The following MAD1L1 variants were observed in gnomAD, a reference collection of about 807,000 sequenced individuals.
MAD1L1 encodes mitotic arrest deficient 1 like 1, also known as mitotic spindle assembly checkpoint protein MAD1.
MAD1L1 carries 95 observed loss-of-function variants against 96.9 expected under a neutral mutation model. The ratio of observed to expected loss-of-function variants is 0.98; its 90% CI spans 0.83 to 1.16. MAD1L1 has a LOEUF of 1.16. Among genes scored for constraint, MAD1L1 ranks in the 50% most tolerant of loss-of-function variants. The pLI is 0.00. For missense variants in MAD1L1, 1,007 were observed against 954.4 expected, an observed-to-expected ratio of 1.06 and a Z score of -0.73; for synonymous variants, 473 against 396.6, an observed-to-expected ratio of 1.19 and a Z score of -2.29.
intron 16 of MAD1L1, among the ~76,000 whole-genome samples, chr7:1,938,944 G>A (rs1487371881): frequency 3.1e-4 from 34 of 110,338 alleles, no homozygotes; most frequent in East Asian, 3.1e-4. Flanking sequence ...GGCCAGGACC[G>A]GGACCAGAGG....
intron 12 of MAD1L1, among the ~76,000 whole-genome samples, chr7:2,063,905 C>G (rs868552384): frequency 1.3e-5 from 2 of 152,246 alleles, no homozygotes; most frequent in African/African-American, 4.8e-5. Context: ...GGAGAAGAGA[C>G]ACAGTCAGAA....
At chr7:1,906,337 G>C (rs953358506) in intron 17 of MAD1L1, among the ~76,000 whole-genome samples, 1 of 152,202 alleles carries the variant, frequency 6.6e-6, no homozygotes, top group Non-Finnish European at 1.5e-5. Flanking sequence ...TGCTCCCACA[G>C]CAAGACTTGA....
chr7:1,952,300 C>G (rs1038257509), intron 16 of MAD1L1, among the ~76,000 whole-genome samples: 1 of 152,376 alleles, frequency 6.6e-6, no homozygotes, highest in Non-Finnish European at 1.5e-5. Context: ...CCGAGGACTG[C>G]GGCCGACTCA....
At position 1,844,238 on chromosome 7, in the gene MAD1L1, C is replaced by T. The variant is rs563446100; in HGVS notation, c.1999-28010G>A. 2.6e-5 allele frequency: 4 copies of T among 154,562 alleles called. No homozygotes were observed. The South Asian group carries it at 8.1e-4, about 31-fold the overall frequency. The allele number at this position is 154,562 out of a possible 1,614,324, so 9.6% of individuals were successfully genotyped here. A position where few individuals can be genotyped will look rare whatever the true frequency, so the allele number is the denominator to read the frequency against. Reference sequence around the variant, plus strand: ...CACTTTCCCACGACCCTCTGCCATCCCCGGTGTGCCCTTGGGGAGAAGTGT... The same window carrying T: ...CACTTTCCCACGACCCTCTGCCATCTCCGGTGTGCCCTTGGGGAGAAGTGT... On this transcript the variant is annotated intron_variant, in intron 18 of 18. Transcript: ENST00000265854.
intron 14 of MAD1L1, among the ~76,000 whole-genome samples, chr7:1,999,103 G>A (rs886532405): frequency 3.9e-5 from 6 of 152,272 alleles, no homozygotes; most frequent in African/African-American, 1.4e-4. Flanking sequence ...TTTCAGGCCT[G>A]CCCTGAGCCA....
intron 17 of MAD1L1, among the ~76,000 whole-genome samples, chr7:1,923,189 T>C (rs1217090681): frequency 1.3e-5 from 2 of 152,234 alleles, no homozygotes; most frequent in Admixed American, 1.3e-4. Context: ...AGTTATTTAA[T>C]GGTTCTAGGA....
chr7:2,104,431 A>C (rs1214092365), intron 11 of MAD1L1, among the ~76,000 whole-genome samples: 1 of 152,270 alleles, frequency 6.6e-6, no homozygotes, highest in African/African-American at 2.4e-5. Context: ...CTGTTGCGTC[A>C]GATCCCTGAC....
intron 18 of MAD1L1, chr7:1,838,617 T>G: frequency 2.5e-6 from 1 of 393,490 alleles, no homozygotes; most frequent in Non-Finnish European, 5.4e-6. Context: ...CCTGCAACAC[T>G]GCAGGTAGCG....
intron 16 of MAD1L1, among the ~76,000 whole-genome samples, 192 bp downstream of exon 16, chr7:1,957,437 G>T (rs1583913527): frequency 1.3e-5 from 2 of 152,364 alleles, no homozygotes; most frequent in Admixed American, 1.3e-4. Flanking sequence ...GGACTCCAGA[G>T]GCAGCCAGTG....
At chr7:2,156,152 G>T (rs1159448527) in intron 10 of MAD1L1, among the ~76,000 whole-genome samples, 1 of 146,570 alleles carries the variant, frequency 6.8e-6, no homozygotes, top group Non-Finnish European at 1.5e-5. Flanking sequence ...GGCGGGTGTG[G>T]CGAGGGGAGC....
chr7:1,816,183 ACT>A lies in MAD1L1; in HGVS notation c.2042_2043del (p.Glu681ValfsTer79), dbSNP rs768244670. The A allele has an allele frequency of 3.7e-6, 6 of 1,612,408 alleles. No homozygotes were observed. Among genetic ancestry groups the A allele is most frequent in the African/African-American group, 1.3e-5 (1 of 74,598 alleles). ...ATGAGCTCGCCCACGGTGTGTGAGA[ACT>A]CTGTCTCCAGTAGCTGCATCTTGGA... The part of the protein sequence containing the change: ...SGSKMQLLET[E>X]FSHTVGELIE... On this transcript the variant is annotated frameshift_variant, in exon 19 of 19. Coordinates refer to ENST00000265854, the MANE Select transcript of MAD1L1 (RefSeq NM_001013836.2). LOFTEE classifies it high-confidence loss of function.
At chr7:1,963,786 A>G (rs1780046023) in intron 15 of MAD1L1, among the ~76,000 whole-genome samples, 1 of 152,178 alleles carries the variant, frequency 6.6e-6, no homozygotes, top group Admixed American at 6.5e-5. Context: ...GCATGGGCCT[A>G]GAAGGTACTT....
intron 18 of MAD1L1, among the ~76,000 whole-genome samples, chr7:1,840,683 C>T (rs192766927): frequency 8.2e-4 from 125 of 152,334 alleles, no homozygotes; most frequent in African/African-American, 3.0e-3. Flanking sequence ...GAGCCAAGAT[C>T]GCGCCACTGC....
rs558591436 is a variant in MAD1L1 at position 1,903,135 on chromosome 7, C to T, written c.1808-4745G>A. 7.6e-4 allele frequency among the ~76,000 whole-genome samples: 114 copies of T among 150,578 alleles called. 1 individual carries two copies. Among genetic ancestry groups the T allele is most frequent in the African/African-American group, 2.3e-3 (94 of 40,682 alleles). On this transcript the variant is annotated intron_variant, in intron 17 of 18. Coordinates refer to ENST00000265854, the MANE Select transcript of MAD1L1 (RefSeq NM_001013836.2). ...CAGTGGCCTATGGAAGACGCTCTTG[C>T]GGAACTCATGATTGATCCAGCACTG...
In MAD1L1 at chr7:2,062,534, G is replaced by A. The variant is rs532964675; in HGVS notation, c.1218+6660C>T. Reference sequence around the variant, plus strand: ...AGGCTGCAGTGAGCCGAGATCACGCGACTGCACTCCAGCCTGGGCAACAAA... The same window carrying A: ...AGGCTGCAGTGAGCCGAGATCACGCAACTGCACTCCAGCCTGGGCAACAAA... On this transcript the variant is annotated intron_variant, in intron 12 of 18. Coordinates refer to ENST00000265854, the MANE Select transcript of MAD1L1 (RefSeq NM_001013836.2). Among the ~76,000 whole-genome samples the A allele has an allele frequency of 3.8e-4, 57 of 151,078 alleles. No homozygotes were observed. The South Asian group carries it at 0.01, about 27-fold the overall frequency.
chr7:1,888,582 A>G (rs1786327331), intron 18 of MAD1L1, among the ~76,000 whole-genome samples: 1 of 145,942 alleles, frequency 6.9e-6, no homozygotes, highest in Non-Finnish European at 1.5e-5. Context: ...ACATGTGAGC[A>G]TGCATGCGTG....
At chr7:2,037,869 G>A (rs1381526446) in intron 12 of MAD1L1, among the ~76,000 whole-genome samples, 2 of 152,138 alleles carry the variant, frequency 1.3e-5, no homozygotes, top group Non-Finnish European at 2.9e-5. Flanking sequence ...AAGCATTCAA[G>A]AGAAAGGAAG....
At chr7:2,058,721 G>A (rs557226707) in intron 12 of MAD1L1, among the ~76,000 whole-genome samples, 23 of 124,890 alleles carry the variant, frequency 1.8e-4, no homozygotes, top group African/African-American at 6.5e-4. Context: ...GAGGAGAGGC[G>A]CAGGGCTGGA....
chr7:2,196,580 C>G (rs546464358), intron 10 of MAD1L1, among the ~76,000 whole-genome samples: 1 of 152,376 alleles, frequency 6.6e-6, no homozygotes, highest in South Asian at 2.1e-4. Flanking sequence ...CCAGAGCCAG[C>G]CCAAAGCCTG....
Sources: allele counts gnomAD v4.1 joint callset (sites outside exome capture counted in the v4.1 genomes callset), GRCh38; gene constraint gnomAD v4.1.1; transcripts MANE v1.5; gene names NCBI Gene and HGNC (gene_info 2026-07-23, HGNC 2026-07-21).